TAB1: variants seen among roughly 807,000 people sequenced by gnomAD.
The protein encoded by TAB1 is TGF-beta-activated kinase 1 and MAP3K7-binding protein 1.
A neutral mutation model predicts 54.5 loss-of-function variants in TAB1; 30 were observed. The observed-to-expected ratio is 0.55, with a 90% CI of 0.41 to 0.75. The LOEUF (loss-of-function observed/expected upper bound fraction) is 0.75. TAB1 is among the 30% of genes least tolerant of loss of function. TAB1 has a pLI of 0.00. For missense variants in TAB1, 609 were observed against 683.2 expected (o/e 0.89, Z 1.21); for synonymous variants, 289 against 286.9 (o/e 1.01, Z -0.07).
At chr22:39,412,340 T>C (rs1392836688) in intron 1 of TAB1, among the ~76,000 whole-genome samples, 6 of 152,030 alleles carry the variant, frequency 3.9e-5, no homozygotes, top group Admixed American at 2.0e-4. Context: ...GCACCTGGCG[T>C]TTAATATGAC....
In TAB1 at chr22:39,430,731, G is replaced by T; in HGVS notation, c.*509G>T. 9.8e-7 allele frequency: 1 copy of T among 1,021,418 alleles called. No homozygotes were observed. Among genetic ancestry groups the T allele is most frequent in the African/African-American group, 1.7e-5 (1 of 59,634 alleles). 63.3% of individuals were successfully genotyped at this position (1,021,418 alleles called of 1,614,324 possible). ...GGAACCCAGGCTGGTGTCCGCATCTGTCCCTGGGCCCCACCCCTGGACCTG... is the reference window on the plus strand; with the variant it reads ...GGAACCCAGGCTGGTGTCCGCATCTTTCCCTGGGCCCCACCCCTGGACCTG... On this transcript the variant is annotated 3_prime_UTR_variant, in exon 11 of 11. Coordinates refer to ENST00000216160, the MANE Select transcript of TAB1 (RefSeq NM_006116.3).
At chr22:39,402,906 C>G (rs1397820380) in intron 1 of TAB1, among the ~76,000 whole-genome samples, 1 of 152,194 alleles carries the variant, frequency 6.6e-6, no homozygotes, top group African/African-American at 2.4e-5. Flanking sequence ...GACCTTTCAG[C>G]CGGATAAAAC....
At chr22:39,436,642 C>T, downstream of TAB1, 1 of 1,241,846 alleles carries the variant, frequency 8.1e-7, no homozygotes, top group South Asian at 1.2e-5. Context: ...CCTGGTCTGA[C>T]TTGTGCACTG....
At chr22:39,407,322 G>A (rs1372416564) in intron 1 of TAB1, among the ~76,000 whole-genome samples, 1 of 152,080 alleles carries the variant, frequency 6.6e-6, no homozygotes, top group Non-Finnish European at 1.5e-5. Context: ...ATTCTTTAGG[G>A]TTGCCAGGCG....
chr22:39,433,666 A>G (rs1927672541), downstream of TAB1: 1 of 985,280 alleles, frequency 1.0e-6, no homozygotes, highest in South Asian at 4.7e-5. Context: ...CAGAGCCAGG[A>G]GCGGAGCTGC....
chr22:39,429,908 C>T, intron 10 of TAB1, 107 bp from the exon 11 acceptor site: 2 of 1,555,688 alleles, frequency 1.3e-6, no homozygotes, highest in Non-Finnish European at 8.7e-7. Context: ...CCAGAAAGGC[C>T]TGTGGCCCAA....
chr22:39,417,167 C>T (rs554834840), intron 4 of TAB1, among the ~76,000 whole-genome samples: 1 of 152,354 alleles, frequency 6.6e-6, no homozygotes, highest in South Asian at 2.1e-4. Context: ...CTGCTCACAT[C>T]GCCTACTGCC....
At chr22:39,436,638 C>G (rs1927797284), downstream of TAB1, 1 of 1,286,388 alleles carries the variant, frequency 7.8e-7, no homozygotes, top group Non-Finnish European at 1.1e-6. Context: ...GTCGCCTGGT[C>G]TGACTTGTGC....
Position 39,413,785 on chromosome 22 carries a change from GT to G in TAB1, c.34-1220del, listed in dbSNP as rs371607659. Among the ~76,000 whole-genome samples the G allele has an allele frequency of 7.9e-5, 12 of 152,310 alleles. No homozygotes were observed. The South Asian group carries it at 2.3e-3, about 29-fold the overall frequency. On this transcript the variant is annotated intron_variant, in intron 1 of 10. Coordinates refer to ENST00000216160, the MANE Select transcript of TAB1 (RefSeq NM_006116.3). ...GTTCTCCCAGTTATTCCAGTTTGCT[GT>G]AGTTCTGCATGGTGGTTCTGGGAGT...
At chr22:39,429,102 C>T in intron 10 of TAB1, 2 of 985,470 alleles carry the variant, frequency 2.0e-6, no homozygotes, top group South Asian at 4.7e-5. Flanking sequence ...ACTCTCCTCC[C>T]CTGCCTGTGT....
chr22:39,415,599 G>A lies in TAB1; in HGVS notation c.270G>A (p.Leu90=), dbSNP rs761597232. The change falls in exon 3 of 11, where the codon CTG becomes CTA. Residue 90 remains leucine, a synonymous_variant. Coordinates refer to ENST00000216160, the MANE Select transcript of TAB1 (RefSeq NM_006116.3). This position sits in a 1 kb window ranked among gnomAD's most constrained non-coding sequence, Gnocchi z 4.9. ...VAQRLSAELL[L]GQLNAEHAEA... The stretch of plus-strand genomic sequence containing the variant: ...AGCGGCTGTCCGCAGAGCTCCTGCT[G>A]GGCCAGCTGAATGCCGAGCACGCCG... 1 of 1,613,988 alleles carries A rather than the reference G, an allele frequency of 6.2e-7. No individual in the cohort carries two copies. The highest frequency in any genetic ancestry group is 8.5e-7 in the Non-Finnish European group (1 of 1,179,990).
chr22:39,403,867 A>G (rs556882983), intron 1 of TAB1, among the ~76,000 whole-genome samples: 2 of 151,754 alleles, frequency 1.3e-5, no homozygotes, highest in South Asian at 4.2e-4. Context: ...GATGGTCTCG[A>G]TCTCCTGACC....
intron 1 of TAB1, among the ~76,000 whole-genome samples, chr22:39,405,610 G>A (rs1926327937): frequency 6.6e-6 from 1 of 152,138 alleles, no homozygotes; most frequent in Non-Finnish European, 1.5e-5. Context: ...GCATCAGTGT[G>A]TGCAGGGGTG....
chr22:39,430,462 ACCATCGC>A lies in TAB1; in HGVS notation c.*243_*249del. 1 of 1,403,776 alleles carries A rather than the reference ACCATCGC, an allele frequency of 7.1e-7. No individual in the cohort carries two copies. The highest frequency in any genetic ancestry group is 1.5e-5 in the South Asian group (1 of 66,330). The allele number at this position is 1,403,776 out of a possible 1,614,324, so 87.0% of individuals were successfully genotyped here. ...TTCCTCCCAGATGGCCTCAGCCAGG[ACCATCGC>A]CCTTTCTCAGAGCAGAGGGCCAGGT... is the stretch of plus-strand genomic sequence containing the variant. On this transcript the variant is annotated 3_prime_UTR_variant, in exon 11 of 11. Transcript: ENST00000216160.
intron 1 of TAB1, among the ~76,000 whole-genome samples, chr22:39,413,715 G>A (rs1393915695): frequency 6.6e-6 from 1 of 152,234 alleles, no homozygotes; most frequent in African/African-American, 2.4e-5. Context: ...GTGAGCCACT[G>A]CACCCAGCCA....
At chr22:39,407,932 T>C (rs1413942165) in intron 1 of TAB1, among the ~76,000 whole-genome samples, 1 of 152,160 alleles carries the variant, frequency 6.6e-6, no homozygotes, top group African/African-American at 2.4e-5. Context: ...ATGGCCCTGA[T>C]CTTAATGAAG....
chr22:39,433,430 G>A (rs1487640574), downstream of TAB1: 1 of 978,464 alleles, frequency 1.0e-6, no homozygotes, highest in Non-Finnish European at 1.2e-6. Context: ...CAGAGCCTGG[G>A]CGACAGAGCG....
At chr22:39,424,661 T>C (rs1406862853) in intron 8 of TAB1, among the ~76,000 whole-genome samples, 1 of 152,114 alleles carries the variant, frequency 6.6e-6, no homozygotes, top group Non-Finnish European at 1.5e-5. Context: ...TTGGCCAGGC[T>C]TATCTTGAAC....
At chr22:39,425,949 C>T (rs546515470) in intron 8 of TAB1, among the ~76,000 whole-genome samples, 1 of 151,866 alleles carries the variant, frequency 6.6e-6, no homozygotes, top group South Asian at 2.1e-4. Flanking sequence ...CCTCCGTCTC[C>T]TGGGCTCAAG....
Sources: gnomAD v4.1 joint callset for allele counts (sites outside exome capture counted in the v4.1 genomes callset) on GRCh38, gnomAD v4.1.1 for gene constraint, Gnocchi (gnomAD v3.1) non-coding constraint, MANE v1.5 for transcripts, NCBI Gene and HGNC (gene_info 2026-07-23, HGNC 2026-07-21) for gene names.